MCF2L: variants seen among roughly 807,000 people sequenced by gnomAD.
MCF2L encodes guanine nucleotide exchange factor DBS.
MCF2L carries 97 observed loss-of-function variants against 153.4 expected under a neutral mutation model. That is an observed-to-expected ratio of 0.63 (90% CI 0.54 to 0.75). MCF2L has a LOEUF of 0.75. Ranked by LOEUF, MCF2L falls within the 30% of genes least tolerant of loss-of-function variation. The probability of loss-of-function intolerance (pLI) is 0.00; values close to 1 mark genes in which losing one functional copy is unlikely to be tolerated. For missense variants in MCF2L, 1,347 were observed against 1,495.2 expected (o/e 0.90, Z 1.64); for synonymous variants, 659 against 632.2 (o/e 1.04, Z -0.64).
In MCF2L at chr13:113,096,795, T is replaced by A; in HGVS notation, c.3314T>A (p.Val1105Glu). 3.2e-6 allele frequency: 5 copies of A among 1,562,338 alleles called. No homozygotes were observed. The highest frequency in any genetic ancestry group is 4.3e-6 in the Non-Finnish European group (5 of 1,164,204). ...GCAGAGTCGAGCCCGGGGTCGGCCG[T>A]GCTGAGCAACTCGTCCAGCTGCAGC... is the stretch of plus-strand genomic sequence containing the variant. ...SSSESSPGSA[V>E]LSNSSSCSEG... Residue 1105 changes from valine to glutamate, a missense_variant, in exon 30 of 30, where the codon GTG becomes GAG. By Grantham distance (121) the Val-to-Glu change is moderately radical. Transcript: ENST00000535094.
At chr13:112,899,725 C>T (rs971309184) in intron 1 of MCF2L, among the ~76,000 whole-genome samples, 1 of 152,208 alleles carries the variant, frequency 6.6e-6, no homozygotes. Context: ...AGCTGACTGG[C>T]ACCTGCTGCG....
intron 2 of MCF2L, among the ~76,000 whole-genome samples, chr13:112,936,185 C>G (rs2081512594): frequency 6.7e-6 from 1 of 148,314 alleles, no homozygotes; most frequent in Non-Finnish European, 1.5e-5. Flanking sequence ...GAGGCTGAGG[C>G]AGGAGAATCA....
chr13:112,906,624 C>T (rs1022073870), intron 2 of MCF2L, among the ~76,000 whole-genome samples: 16 of 152,198 alleles, frequency 1.1e-4, no homozygotes, highest in African/African-American at 3.6e-4. Flanking sequence ...TTCAGTGGTG[C>T]GTAATGCGTT....
chr13:112,929,443 T>A (rs1035459091), intron 2 of MCF2L, among the ~76,000 whole-genome samples: 1 of 152,234 alleles, frequency 6.6e-6, no homozygotes, highest in Non-Finnish European at 1.5e-5. Flanking sequence ...GCCATTTATC[T>A]TTTATCGGGA....
At chr13:113,062,617 C>T (rs1954714180) in intron 5 of MCF2L, among the ~76,000 whole-genome samples, 1 of 152,070 alleles carries the variant, frequency 6.6e-6, no homozygotes, top group African/African-American at 2.4e-5. Flanking sequence ...AAACTCACAG[C>T]CCCACTTAGA....
intron 1 of MCF2L, among the ~76,000 whole-genome samples, chr13:112,997,764 G>A (rs1425106005): frequency 1.3e-5 from 2 of 152,364 alleles, no homozygotes; most frequent in Middle Eastern, 3.4e-3. Context: ...GCGATGGGTC[G>A]AGTTCCTGCT....
At chr13:112,903,267 C>T (rs2081137202) in intron 2 of MCF2L, among the ~76,000 whole-genome samples, 3 of 152,348 alleles carry the variant, frequency 2.0e-5, no homozygotes, top group Non-Finnish European at 4.4e-5. Flanking sequence ...TGGTGCTTTT[C>T]TGGGCCTTGT....
In MCF2L at chr13:113,099,062, A is replaced by AT; in HGVS notation, c.*2206dup. On this transcript the variant is annotated 3_prime_UTR_variant, in exon 30 of 30. Coordinates refer to ENST00000535094, the MANE Select transcript of MCF2L (RefSeq NM_001112732.3). ...AAGCAAATTTATATATAGATTGGAG[A>AT]TTTAAAATAAAAGAAGACAGAACAG... The AT allele has an allele frequency of 5.3e-5, 8 of 152,340 alleles. 1 individual carries two copies. The highest frequency in any genetic ancestry group is 5.2e-4 in the Admixed American group (8 of 15,296). 9.4% of individuals were successfully genotyped at this position (152,340 alleles called of 1,614,324 possible). A position where few individuals can be genotyped will look rare whatever the true frequency, so the allele number is the denominator to read the frequency against.
At chr13:113,079,494 G>C (rs4907585) in intron 15 of MCF2L, among the ~76,000 whole-genome samples, 77,436 of 151,978 alleles carry the variant, frequency 0.51, 20,057 homozygotes, top group Non-Finnish European at 0.55. Context: ...TTGGAACCAC[G>C]TCTCCCCCTT....
At chr13:113,065,352 T>G in intron 7 of MCF2L, 1 of 488,372 alleles carries the variant, frequency 2.0e-6, no homozygotes, top group Non-Finnish European at 3.7e-6. Flanking sequence ...GGGTCAACCA[T>G]TGGCCCTGGG....
At chr13:113,021,452 G>A (rs946641957) in intron 2 of MCF2L, among the ~76,000 whole-genome samples, 3 of 152,226 alleles carry the variant, frequency 2.0e-5, no homozygotes, top group South Asian at 4.1e-4. Context: ...TCACATGCAG[G>A]TGTGACAGGT....
Position 112,941,262 on chromosome 13 carries a change from A to G in MCF2L, c.169+38891A>G, listed in dbSNP as rs562714151. Among the ~76,000 whole-genome samples the G allele has an allele frequency of 6.6e-6, 1 of 151,664 alleles. No homozygotes were observed. Among genetic ancestry groups the G allele is most frequent in the South Asian group, 2.1e-4 (1 of 4,808 alleles). Reference sequence around the variant, plus strand: ...GTCCTGTTCACAAAGCCCAGGGTACAGGTCTGTGTGGTGTGTGTGGTGGCA... The same window carrying G: ...GTCCTGTTCACAAAGCCCAGGGTACGGGTCTGTGTGGTGTGTGTGGTGGCA... On this transcript the variant is annotated intron_variant, in intron 2 of 29. Transcript: ENST00000375608. The surrounding 1 kb of genome is among the most constrained non-coding windows in gnomAD (Gnocchi z 4.9).
intron 1 of MCF2L, among the ~76,000 whole-genome samples, chr13:112,896,710 C>G (rs1233383545): frequency 2.0e-5 from 3 of 152,292 alleles, no homozygotes; most frequent in South Asian, 4.1e-4. Context: ...TCTGTTCAGC[C>G]CACCCCGCTT....
intron 1 of MCF2L, among the ~76,000 whole-genome samples, chr13:112,977,079 G>A (rs1198828989): frequency 6.6e-6 from 1 of 152,172 alleles, no homozygotes; most frequent in Non-Finnish European, 1.5e-5. Flanking sequence ...CAGGAGCGCT[G>A]AATTTTAAAT....
rs2082497728 is a variant in MCF2L, at chr13:112,983,066, G to T, written c.79+13608G>T. ...GCCTTTGGGTGTGGAAAGTGGTGGGGGCAGCCAGGCTGGTTCAGTGCAAGG... is the reference window on the plus strand; with the variant it reads ...GCCTTTGGGTGTGGAAAGTGGTGGGTGCAGCCAGGCTGGTTCAGTGCAAGG... On this transcript the variant is annotated intron_variant, in intron 1 of 29. Coordinates refer to ENST00000535094, the MANE Select transcript of MCF2L (RefSeq NM_001112732.3). The surrounding 1 kb of genome is among the most constrained non-coding windows in gnomAD (Gnocchi z 4.0). Among the ~76,000 whole-genome samples the T allele has an allele frequency of 6.6e-6, 1 of 152,080 alleles. No individual in the cohort carries two copies. Among genetic ancestry groups the T allele is most frequent in the Non-Finnish European group, 1.5e-5 (1 of 67,998 alleles).
At chr13:112,911,377 G>C (rs78683555) in intron 2 of MCF2L, among the ~76,000 whole-genome samples, 1,882 of 152,216 alleles carry the variant, frequency 0.012, 47 homozygotes, top group African/African-American at 0.043. Flanking sequence ...GTCCATGCAG[G>C]GTGTAGACCC....
At chr13:112,988,365 C>T (rs1174289299) in intron 1 of MCF2L, among the ~76,000 whole-genome samples, 1 of 152,210 alleles carries the variant, frequency 6.6e-6, no homozygotes, top group East Asian at 1.9e-4. Context: ...AGGCCAGCAC[C>T]TGCCCGGTGT....
chr13:112,978,394 A>G (rs888931756), intron 1 of MCF2L, among the ~76,000 whole-genome samples: 2 of 152,180 alleles, frequency 1.3e-5, no homozygotes, highest in African/African-American at 4.8e-5. Flanking sequence ...GGGGGATGGT[A>G]TGTGGAGCTC....
intron 1 of MCF2L, among the ~76,000 whole-genome samples, chr13:112,896,052 A>G (rs1317993058): frequency 6.6e-6 from 1 of 152,216 alleles, no homozygotes; most frequent in Non-Finnish European, 1.5e-5. Flanking sequence ...AGGGTCTGCA[A>G]CGTTAGACGG....
Sources: allele counts gnomAD v4.1 joint callset (sites outside exome capture counted in the v4.1 genomes callset), GRCh38; gene constraint gnomAD v4.1.1; non-coding constraint Gnocchi (gnomAD v3.1); transcripts MANE v1.5; gene names NCBI Gene and HGNC (gene_info 2026-07-23, HGNC 2026-07-21).